Variants in LZTS2 observed in about 807,000 individuals in gnomAD.
LZTS2 encodes leucine zipper tumor suppressor 2, also known as leucine zipper putative tumor suppressor 2.
A neutral mutation model predicts 60.6 loss-of-function variants in LZTS2; 32 were observed. The observed-to-expected ratio is 0.53, with a 90% CI of 0.40 to 0.71. The LOEUF (loss-of-function observed/expected upper bound fraction) is 0.71. Among genes scored for constraint, LZTS2 ranks in the 30% least tolerant of loss-of-function variants. LZTS2 has a pLI of 0.00. For missense variants in LZTS2, 792 were observed against 901.9 expected (o/e 0.88, Z 1.56); for synonymous variants, 360 against 393.1 (o/e 0.92, Z 1.00).
upstream of LZTS2, chr10:100,998,963 CTG>C (rs1322610707): frequency 1.3e-5 from 2 of 152,414 alleles, no homozygotes; most frequent in African/African-American, 2.4e-5. Flanking sequence ...GTTAGGGAGA[CTG>C]TATTGTGTGC....
chr10:101,007,727 C>T, exon 4 of LZTS2: 1 of 901,172 alleles, frequency 1.1e-6, no homozygotes, highest in Non-Finnish European at 1.4e-6. Context: ...AGCAGCCTCT[C>T]CCTTCACCCA....
chr10:101,007,613 G>A (rs745886793), exon 4 of LZTS2: 11 of 1,258,664 alleles, frequency 8.7e-6, no homozygotes, highest in Admixed American at 5.0e-5. Flanking sequence ...GCCTGGGCTC[G>A]GTTCCCAGGT....
At chr10:101,006,177 C>T (rs1346671801) in intron 3 of LZTS2, among the ~76,000 whole-genome samples, 1 of 152,222 alleles carries the variant, frequency 6.6e-6, no homozygotes, top group Admixed American at 6.5e-5. Flanking sequence ...CCATTGTCCC[C>T]ACTCCTGCAG....
Position 101,002,807 on chromosome 10 carries a change from A to G in LZTS2, c.269A>G (p.Tyr90Cys), listed in dbSNP as rs372229881. 1.2e-5 allele frequency: 20 copies of G among 1,613,754 alleles called. No homozygotes were observed. In the African/African-American group the frequency reaches 1.9e-4, roughly 15 times the overall value. The change falls in exon 1 of 4, where the codon TAC becomes TGC. Residue 90 changes from tyrosine to cysteine, a missense_variant. Coordinates refer to ENST00000370220, the Ensembl canonical transcript of LZTS2. ...GCTGTCCCTGTCACCAGCTTCACCT[A>G]CATCAATGAGGACTTCCGGACAGAG... is the stretch of plus-strand genomic sequence containing the variant.
exon 4 of LZTS2, chr10:101,007,196 G>T: frequency 6.6e-7 from 1 of 1,519,524 alleles, no homozygotes; most frequent in Admixed American, 2.1e-5. Context: ...TCTGTAGGGA[G>T]CTCTGCCAGA....
At chr10:100,998,440 CT>C, upstream of LZTS2, 1 of 152,728 alleles carries the variant, frequency 6.5e-6, no homozygotes, top group Non-Finnish European at 1.5e-5. Context: ...CTGTGTTTCC[CT>C]TTCCAGGGAA....
At chr10:101,005,699 A>G (rs1177970473) in exon 3 of LZTS2, 1 of 1,583,566 alleles carries the variant, frequency 6.3e-7, no homozygotes, top group Non-Finnish European at 8.6e-7. Context: ...CCGAGGCTTG[A>G]GGAGACCAAG....
chr10:100,999,448 C>T (rs545168232), upstream of LZTS2: 1 of 152,520 alleles, frequency 6.6e-6, no homozygotes, highest in South Asian at 2.1e-4. Context: ...GTCAGGGAAG[C>T]TTCGCCTGGA....
chr10:101,001,655 G>A (rs922629018), exon 1 of LZTS2: 2 of 152,230 alleles, frequency 1.3e-5, no homozygotes, highest in African/African-American at 4.8e-5. Context: ...CTCTTGCCTG[G>A]GCTCTGTGGA....
exon 1 of LZTS2, chr10:101,002,462 G>T (rs989163460): frequency 2.8e-6 from 4 of 1,436,030 alleles, no homozygotes; most frequent in Non-Finnish European, 2.8e-6. Context: ...GGGTCTCAAG[G>T]TGGAGGGACT....
At chr10:101,004,595 T>C (rs1279057462) in intron 2 of LZTS2, among the ~76,000 whole-genome samples, 4 of 152,092 alleles carry the variant, frequency 2.6e-5, no homozygotes, top group Non-Finnish European at 5.9e-5. Context: ...AGAGCAAGAC[T>C]CTATCTCAAA....
intron 3 of LZTS2, among the ~76,000 whole-genome samples, chr10:101,006,276 G>A (rs971876315): frequency 3.9e-5 from 6 of 152,186 alleles, no homozygotes; most frequent in Admixed American, 1.3e-4. Context: ...CACCAGCTTT[G>A]AAGCAAAAAG....
chr10:101,005,753 C>A, intron 3 of LZTS2, 38 bp downstream of exon 4: 2 of 1,484,716 alleles, frequency 1.3e-6, no homozygotes, highest in Admixed American at 2.3e-5. Context: ...CAGGGTCACA[C>A]AGGGAGAAAC....
Position 101,006,759 on chromosome 10 carries a change from CGG to C in LZTS2, c.1602_1603del (p.Ala535ArgfsTer13). On this transcript the variant is annotated frameshift_variant, in exon 4 of 4. Coordinates refer to ENST00000370220, the Ensembl canonical transcript of LZTS2. LOFTEE classifies it high-confidence loss of function. ...AAAGCTGGGCAGTTGGATGCTGAGGCGGCCGGACTCCGGGAGCCCCCTGTGCC... is the reference window on the plus strand; with the variant it reads ...AAAGCTGGGCAGTTGGATGCTGAGGCCCGGACTCCGGGAGCCCCCTGTGCC... The C allele has an allele frequency of 6.4e-7, 1 of 1,574,098 alleles. No individual in the cohort carries two copies. The highest frequency in any genetic ancestry group is 8.6e-7 in the Non-Finnish European group (1 of 1,159,608).
chr10:100,997,038 CG>C (rs1851930043), upstream of LZTS2: 1 of 152,428 alleles, frequency 6.6e-6, no homozygotes, highest in Non-Finnish European at 1.5e-5. Context: ...GGGTGGGGGG[CG>C]CGGCCTGAGC....
exon 2 of LZTS2, chr10:101,003,946 G>A (rs757819261): frequency 1.7e-5 from 27 of 1,611,570 alleles, no homozygotes; most frequent in Non-Finnish European, 2.1e-5. Context: ...AAGAGCACAG[G>A]CTCCCTAGGG....
intron 2 of LZTS2, among the ~76,000 whole-genome samples, chr10:101,004,814 G>A (rs1434913054): frequency 6.6e-6 from 1 of 152,110 alleles, no homozygotes; most frequent in Non-Finnish European, 1.5e-5. Context: ...CTAATGCCTG[G>A]TACCTAGGAA....
exon 2 of LZTS2, chr10:101,003,703 C>T: frequency 6.2e-7 from 1 of 1,613,476 alleles, no homozygotes; most frequent in Non-Finnish European, 8.5e-7. Flanking sequence ...GCTGACAAAC[C>T]CCTGGCATTT....
chr10:101,007,656 G>C (rs542062205), exon 4 of LZTS2: 1 of 1,123,652 alleles, frequency 8.9e-7, no homozygotes, highest in African/African-American at 1.7e-5. Flanking sequence ...TGGAGTGAGG[G>C]GGCTGAAGTC....
Sources: gnomAD v4.1 joint callset for allele counts (sites outside exome capture counted in the v4.1 genomes callset) on GRCh38, gnomAD v4.1.1 for gene constraint, MANE v1.5 for transcripts, NCBI Gene and HGNC (gene_info 2026-07-23, HGNC 2026-07-21) for gene names.